SMG6: variants seen among roughly 807,000 people sequenced by gnomAD.
SMG6 encodes telomerase-binding protein EST1A.
SMG6 carries 66 observed loss-of-function variants against 142.2 expected under a neutral mutation model. The ratio of observed to expected loss-of-function variants is 0.46; its 90% CI spans 0.38 to 0.57. The LOEUF (loss-of-function observed/expected upper bound fraction) is 0.57, where lower values mean the gene tolerates loss of function less well. Ranked by LOEUF, SMG6 falls within the 20% of genes least tolerant of loss-of-function variation. The pLI, the probability that SMG6 is intolerant of heterozygous loss-of-function variation, is 0.00. For missense variants in SMG6, 1,793 were observed against 1,832.0 expected, an observed-to-expected ratio of 0.98 and a Z score of 0.39; for synonymous variants, 779 against 702.4, an observed-to-expected ratio of 1.11 and a Z score of -1.72.
chr17:2,253,616 C>G (rs12950555), intron 8 of SMG6, among the ~76,000 whole-genome samples: 87,278 of 151,602 alleles, frequency 0.58, 26,261 homozygotes, highest in East Asian at 0.75. Flanking sequence ...TTAAAAGACC[C>G]CCCTCCGCCA....
At chr17:2,298,640 C>A (rs549063892) in intron 2 of SMG6, among the ~76,000 whole-genome samples, 169 of 151,834 alleles carry the variant, frequency 1.1e-3, no homozygotes, top group Admixed American at 2.1e-3. Context: ...ATGGTATGAA[C>A]CCAGGAGGCA....
At chr17:2,223,655 C>T (rs949892167) in intron 10 of SMG6, among the ~76,000 whole-genome samples, 15 of 152,166 alleles carry the variant, frequency 9.9e-5, no homozygotes, top group African/African-American at 3.6e-4. Flanking sequence ...CAATAAATGG[C>T]TCCTATCACT....
Position 2,186,764 on chromosome 17 carries a change from G to T in SMG6, c.3054C>A (p.Asp1018Glu), listed in dbSNP as rs756643395. The change falls in exon 12 of 19, where the codon GAC (aspartate) becomes GAA (glutamate). Residue 1018 changes from aspartate to glutamate, a missense_variant. By Grantham distance (45) the Asp-to-Glu change is conservative. Transcript: ENST00000263073. ...DDIKVSSFVP[D>E]LKELLPSVKV... ...TGACACTGGGGAGCAGCTCCTTCAGGTCCGGGACAAAGGAAGACACCTTGA... is the reference window on the plus strand; with the variant it reads ...TGACACTGGGGAGCAGCTCCTTCAGTTCCGGGACAAAGGAAGACACCTTGA... The T allele has an allele frequency of 1.2e-6, 2 of 1,614,230 alleles. No individual in the cohort carries two copies. The highest frequency in any genetic ancestry group is 1.7e-6 in the Non-Finnish European group (2 of 1,180,046).
chr17:2,240,900 A>T (rs2073785066), intron 9 of SMG6, among the ~76,000 whole-genome samples: 1 of 152,158 alleles, frequency 6.6e-6, no homozygotes, highest in African/African-American at 2.4e-5. Flanking sequence ...CCCACATTTC[A>T]CATCTTCTTC....
At chr17:2,281,194 T>C (rs1424357892) in intron 8 of SMG6, among the ~76,000 whole-genome samples, 3 of 152,138 alleles carry the variant, frequency 2.0e-5, no homozygotes, top group South Asian at 2.1e-4. Flanking sequence ...CGCTGGATCA[T>C]AGCTCATGAC....
At chr17:2,202,470 T>C (rs1162317568) in intron 10 of SMG6, among the ~76,000 whole-genome samples, 1 of 152,066 alleles carries the variant, frequency 6.6e-6, no homozygotes, top group Non-Finnish European at 1.5e-5. Context: ...GAAGATCACT[T>C]GAGCCCGGAA....
At chr17:2,067,621 G>T (rs901481567) in intron 16 of SMG6, among the ~76,000 whole-genome samples, 1 of 152,156 alleles carries the variant, frequency 6.6e-6, no homozygotes, top group African/African-American at 2.4e-5. Context: ...CCTTCCCTTA[G>T]GTCTAAGGGC....
intron 13 of SMG6, among the ~76,000 whole-genome samples, chr17:2,095,594 T>C (rs2068835000): frequency 6.6e-6 from 1 of 152,048 alleles, no homozygotes; most frequent in Non-Finnish European, 1.5e-5. Flanking sequence ...GTCACATTCA[T>C]ACCAGATACA....
intron 13 of SMG6, among the ~76,000 whole-genome samples, chr17:2,096,202 C>G (rs942663184): frequency 6.6e-6 from 1 of 152,094 alleles, no homozygotes; most frequent in Admixed American, 6.6e-5. Context: ...CCACTTATGT[C>G]TGGCAAATAA....
In SMG6 at chr17:2,242,326, C is replaced by T. The variant is rs1319256061; in HGVS notation, c.2723+2332G>A. Among the ~76,000 whole-genome samples, 4 of 126,550 alleles carry T rather than the reference C, an allele frequency of 3.2e-5. No homozygotes were observed. The South Asian group carries it at 7.2e-4, about 23-fold the overall frequency. The allele number at this position is 126,550 out of a possible 152,430, so 83.0% of individuals were successfully genotyped here. A position where few individuals can be genotyped will look rare whatever the true frequency, so the allele number is the denominator to read the frequency against. ...AGGAGATCGAGACCATCCTGGCTAACGTAGTAAAACCCCATCTCTACTGAA... is the reference window on the plus strand; with the variant it reads ...AGGAGATCGAGACCATCCTGGCTAATGTAGTAAAACCCCATCTCTACTGAA... On this transcript the variant is annotated intron_variant, in intron 9 of 18. Transcript: ENST00000263073.
intron 10 of SMG6, among the ~76,000 whole-genome samples, chr17:2,230,757 T>C (rs1321288038): frequency 1.3e-5 from 2 of 152,188 alleles, no homozygotes; most frequent in African/African-American, 4.8e-5. Context: ...AGGGCAGAGC[T>C]GAAGCATGCA....
rs565396972 is a variant in SMG6, at chr17:2,116,251, A to T, written c.3358-30350T>A. 3.1e-4 allele frequency among the ~76,000 whole-genome samples: 47 copies of T among 149,798 alleles called. 1 individual carries two copies. The highest frequency in any genetic ancestry group is 1.0e-3 in the Admixed American group (15 of 15,038). On this transcript the variant is annotated intron_variant, in intron 13 of 18. Transcript: ENST00000263073. ...CCTGCCCAGCTATTTTTTATTTTTT[A>T]TTTTTTTTGTACAGGCAGGGTCTTG...
chr17:2,076,553 G>C (rs1388663206), intron 15 of SMG6, among the ~76,000 whole-genome samples: 1 of 152,234 alleles, frequency 6.6e-6, no homozygotes, highest in Non-Finnish European at 1.5e-5. Flanking sequence ...TGCTCTCCCA[G>C]AAGGGCCTTC....
chr17:2,212,444 G>A (rs763922992), intron 10 of SMG6, among the ~76,000 whole-genome samples: 2 of 152,154 alleles, frequency 1.3e-5, no homozygotes, highest in South Asian at 2.1e-4. Context: ...CAGATCAATC[G>A]ATCAGGACTG....
chr17:2,088,655 C>G (rs2068630978), intron 13 of SMG6: 1 of 985,398 alleles, frequency 1.0e-6, no homozygotes, highest in Non-Finnish European at 1.2e-6. Context: ...CCTTTGCAAT[C>G]CAAGCAGCAG....
intron 13 of SMG6, among the ~76,000 whole-genome samples, chr17:2,126,187 A>G (rs1049132564): frequency 6.6e-5 from 10 of 152,264 alleles, no homozygotes; most frequent in African/African-American, 2.2e-4. Flanking sequence ...ACCAATTCCA[A>G]TCTTATGGAA....
chr17:2,114,954 AAAAAT>A (rs2069456543), intron 13 of SMG6, among the ~76,000 whole-genome samples: 1 of 85,018 alleles, frequency 1.2e-5, no homozygotes, highest in African/African-American at 5.8e-5. Flanking sequence ...AATAAAATAA[AAAAAT>A]GAAATGAAAT....
intron 13 of SMG6, chr17:2,094,655 G>T (rs1277906948): frequency 6.6e-6 from 1 of 152,166 alleles, no homozygotes; most frequent in African/African-American, 2.4e-5. Flanking sequence ...AAAGTGCTGG[G>T]ATTATAGGTG....
intron 13 of SMG6, among the ~76,000 whole-genome samples, chr17:2,112,568 TAAAA>T (rs1001378786): frequency 4.1e-4 from 53 of 128,456 alleles, no homozygotes; most frequent in South Asian, 1.2e-3. Context: ...AATAAATAAA[TAAAA>T]GGCAATGGTC....
Sources: gnomAD v4.1 joint callset for allele counts (sites outside exome capture counted in the v4.1 genomes callset) on GRCh38, gnomAD v4.1.1 for gene constraint, MANE v1.5 for transcripts, NCBI Gene and HGNC (gene_info 2026-07-23, HGNC 2026-07-21) for gene names.